DAB2IP: variants seen among roughly 807,000 people sequenced by gnomAD.
The protein encoded by DAB2IP is DAB2 interacting protein, also known as disabled homolog 2-interacting protein.
A neutral mutation model predicts 107.2 loss-of-function variants in DAB2IP; 28 were observed. That is an observed-to-expected ratio of 0.26 (90% CI 0.19 to 0.36). DAB2IP has a LOEUF of 0.36. Ranked by LOEUF, DAB2IP falls within the 10% of genes least tolerant of loss-of-function variation. The pLI is 1.00. For synonymous variants in DAB2IP, 755 were observed against 706.4 expected, an observed-to-expected ratio of 1.07 and a Z score of -1.09; for missense variants, 1,400 against 1,644.7, an observed-to-expected ratio of 0.85 and a Z score of 2.57.
intron 3 of DAB2IP, among the ~76,000 whole-genome samples, chr9:121,708,678 A>G (rs1317869723): frequency 6.6e-6 from 1 of 152,216 alleles, no homozygotes; most frequent in Non-Finnish European, 1.5e-5. Flanking sequence ...AGGTGGGGAA[A>G]CTGAGGTTCA....
At chr9:121,628,297 G>GC (rs925528518) in intron 1 of DAB2IP, among the ~76,000 whole-genome samples, 20 of 151,780 alleles carry the variant, frequency 1.3e-4, no homozygotes, top group South Asian at 6.3e-4. Context: ...GATTAGGTGG[G>GC]CCCCCCCCAT....
chr9:121,677,927 G>A (rs1253470271), intron 1 of DAB2IP, among the ~76,000 whole-genome samples: 2 of 152,122 alleles, frequency 1.3e-5, no homozygotes, highest in African/African-American at 2.4e-5. Flanking sequence ...CTTCCAAAGT[G>A]CTGGGATCAC....
intron 11 of DAB2IP, among the ~76,000 whole-genome samples, chr9:121,771,490 G>A (rs1287786441): frequency 2.0e-5 from 3 of 152,146 alleles, no homozygotes; most frequent in Non-Finnish European, 4.4e-5. Flanking sequence ...AAGAACCTGG[G>A]GTTAGGGGAG....
chr9:121,603,924 T>A (rs555252407), intron 1 of DAB2IP, among the ~76,000 whole-genome samples: 18 of 151,748 alleles, frequency 1.2e-4, no homozygotes, highest in Admixed American at 8.5e-4. Context: ...GGAATTACTA[T>A]GAAAGGGGCC....
chr9:121,653,503 G>C (rs80235068), intron 1 of DAB2IP, among the ~76,000 whole-genome samples: 2,305 of 152,194 alleles, frequency 0.015, 38 homozygotes, highest in Admixed American at 0.028. Context: ...TAGTTTTCCT[G>C]GTTGTAAAAT....
At chr9:121,762,052 A>C (rs961120087) in intron 6 of DAB2IP, among the ~76,000 whole-genome samples, 2 of 152,136 alleles carry the variant, frequency 1.3e-5, no homozygotes, top group Non-Finnish European at 2.9e-5. Flanking sequence ...GGGGAGCAGT[A>C]GATAGAAGCA....
intron 1 of DAB2IP, among the ~76,000 whole-genome samples, chr9:121,609,679 C>T (rs1831021763): frequency 6.6e-6 from 1 of 152,354 alleles, no homozygotes; most frequent in East Asian, 1.9e-4. Context: ...TCTTCTGGTG[C>T]GATCTATCCA....
rs969895499 is a variant in DAB2IP, at chr9:121,783,768, A to G, written c.*1270A>G. The G allele has an allele frequency of 6.7e-5, 42 of 625,480 alleles. No individual in the cohort carries two copies. The East Asian group carries it at 1.1e-3, about 17-fold the overall frequency. The allele number at this position is 625,480 out of a possible 1,614,324, so 38.7% of individuals were successfully genotyped here. ...CATACAGGGGAGGGGCGCACCCCAC[A>G]GCTGGGGCCGGTTTTCCTCAGCTCT... is the stretch of plus-strand genomic sequence containing the variant. On this transcript the variant is annotated 3_prime_UTR_variant, in exon 16 of 16. Coordinates refer to ENST00000408936, the Ensembl canonical transcript of DAB2IP.
chr9:121,589,588 G>A (rs76212210), intron 1 of DAB2IP, among the ~76,000 whole-genome samples: 2,182 of 152,222 alleles, frequency 0.014, 39 homozygotes, highest in Admixed American at 0.034. Context: ...GCATATGGGA[G>A]TGTCCTGCTT....
At chr9:121,600,392 G>T (rs2118951513) in intron 1 of DAB2IP, among the ~76,000 whole-genome samples, 1 of 152,220 alleles carries the variant, frequency 6.6e-6, no homozygotes, top group Non-Finnish European at 1.5e-5. Context: ...AAAACACCTT[G>T]GGCTAAGCAG....
chr9:121,636,802 T>A (rs1832106867), intron 1 of DAB2IP, among the ~76,000 whole-genome samples: 1 of 152,186 alleles, frequency 6.6e-6, no homozygotes, highest in African/African-American at 2.4e-5. Context: ...AATGACACGG[T>A]GCAGGACTGG....
chr9:121,661,577 C>T (rs1372459749), intron 1 of DAB2IP, among the ~76,000 whole-genome samples: 3 of 152,088 alleles, frequency 2.0e-5, no homozygotes, highest in South Asian at 2.1e-4. Context: ...TCCTGTGTGT[C>T]GGGGAAATTC....
chr9:121,767,941 T>C (rs554684800), intron 9 of DAB2IP, among the ~76,000 whole-genome samples: 3 of 152,124 alleles, frequency 2.0e-5, no homozygotes, highest in East Asian at 3.9e-4. Context: ...CTCAGGTGTA[T>C]CTGTATGGGT....
chr9:121,717,998 C>G (rs1830703111), intron 3 of DAB2IP, among the ~76,000 whole-genome samples: 1 of 152,208 alleles, frequency 6.6e-6, no homozygotes, highest in Non-Finnish European at 1.5e-5. Flanking sequence ...GCTTTCCTTG[C>G]TGGTGGTCTC....
intron 1 of DAB2IP, among the ~76,000 whole-genome samples, chr9:121,632,780 T>C (rs1399759113): frequency 4.6e-5 from 7 of 152,194 alleles, no homozygotes; most frequent in Non-Finnish European, 1.0e-4. Flanking sequence ...GAGCAGGAAG[T>C]GTCTAGACCA....
intron 1 of DAB2IP, chr9:121,567,302 G>A (rs572607870): frequency 2.3e-4 from 376 of 1,605,202 alleles, no homozygotes; most frequent in Non-Finnish European, 3.1e-4. Context: ...TCTGCTATAG[G>A]AATCTGAGTT....
intron 1 of DAB2IP, among the ~76,000 whole-genome samples, chr9:121,652,934 A>G (rs1047619208): frequency 6.6e-6 from 1 of 152,120 alleles, no homozygotes; most frequent in Non-Finnish European, 1.5e-5. Flanking sequence ...TCCCACAGTC[A>G]GGTCTGAGTA....
At chr9:121,627,984 C>T (rs143854472) in intron 1 of DAB2IP, among the ~76,000 whole-genome samples, 1 of 152,320 alleles carries the variant, frequency 6.6e-6, no homozygotes, top group Non-Finnish European at 1.5e-5. Flanking sequence ...TTGTGGGTCT[C>T]GTCAGGCTTG....
rs1334292495 is a variant in DAB2IP, at chr9:121,783,256, ACCCACAGCTT to A, written c.*765_*774del. 52 of 1,317,812 alleles carry A rather than the reference ACCCACAGCTT, an allele frequency of 3.9e-5. No individual in the cohort carries two copies. The East Asian group carries it at 1.6e-3, about 39-fold the overall frequency. 81.6% of individuals were successfully genotyped at this position (1,317,812 alleles called of 1,614,324 possible). On this transcript the variant is annotated 3_prime_UTR_variant, in exon 16 of 16. Coordinates refer to ENST00000408936, the Ensembl canonical transcript of DAB2IP. The stretch of plus-strand genomic sequence containing the variant: ...GTGAGCTCTTGTCCCTGTGGGGAGG[ACCCACAGCTT>A]CCCACACCTCCCACACAGGCCCAGG...
Sources: allele counts gnomAD v4.1 joint callset (sites outside exome capture counted in the v4.1 genomes callset), GRCh38; gene constraint gnomAD v4.1.1; transcripts MANE v1.5; gene names NCBI Gene and HGNC (gene_info 2026-07-23, HGNC 2026-07-21).